TEX14: variants seen among roughly 807,000 people sequenced by gnomAD.
TEX14 encodes inactive serine/threonine-protein kinase TEX14.
In TEX14, 168 loss-of-function variants were observed where a neutral mutation model predicts 178.6. That is an observed-to-expected ratio of 0.94 (90% CI 0.83 to 1.07). TEX14 has a LOEUF of 1.07. Among genes scored for constraint, TEX14 ranks in the 50% least tolerant of loss-of-function variants. The pLI is 0.00. For missense variants in TEX14, 1,730 were observed against 1,753.6 expected (o/e 0.99, Z 0.24); for synonymous variants, 626 against 634.1 (o/e 0.99, Z 0.19).
intron 14 of TEX14, among the ~76,000 whole-genome samples, chr17:58,596,762 G>A (rs1458907869): frequency 2.0e-5 from 3 of 151,628 alleles, no homozygotes; most frequent in African/African-American, 4.8e-5. Context: ...CCAGCCGGGC[G>A]TGCTGAGACC....
At chr17:58,678,898 A>G (rs1040272271) in intron 1 of TEX14, among the ~76,000 whole-genome samples, 12 of 151,594 alleles carry the variant, frequency 7.9e-5, no homozygotes, top group African/African-American at 2.7e-4. Flanking sequence ...TCACACCTGT[A>G]ATCCCAGCAC....
intron 26 of TEX14, among the ~76,000 whole-genome samples, chr17:58,568,680 T>A (rs74994378): frequency 7.9e-4 from 121 of 152,360 alleles, no homozygotes; most frequent in Admixed American, 2.0e-3. Context: ...ATTTGGTTGG[T>A]AACTGCTCTG....
intron 2 of TEX14, among the ~76,000 whole-genome samples, chr17:58,636,997 C>T (rs1211904541): frequency 3.9e-5 from 6 of 152,074 alleles, no homozygotes; most frequent in East Asian, 1.9e-4. Context: ...GAGGCAGAAG[C>T]GGGTGAATCA....
intron 19 of TEX14, among the ~76,000 whole-genome samples, 181 bp from the exon 20 acceptor site, chr17:58,579,912 T>C (rs1324849278): frequency 6.6e-6 from 1 of 152,216 alleles, no homozygotes; most frequent in Non-Finnish European, 1.5e-5. Context: ...ATATGTCCTC[T>C]CCTCAGTAAG....
intron 3 of TEX14, among the ~76,000 whole-genome samples, chr17:58,625,341 G>A (rs1322080563): frequency 3.3e-5 from 5 of 151,942 alleles, no homozygotes; most frequent in Non-Finnish European, 7.4e-5. Context: ...CATCATGTTG[G>A]CCAGGCTGGT....
chr17:58,637,279 C>G (rs1470670011), intron 2 of TEX14, among the ~76,000 whole-genome samples: 1 of 152,150 alleles, frequency 6.6e-6, no homozygotes, highest in Non-Finnish European at 1.5e-5. Flanking sequence ...GTCTTCATGC[C>G]TGTTCCCTGA....
chr17:58,617,519 G>A lies in TEX14; in HGVS notation c.636+19C>T. On this transcript the variant is annotated intron_variant, in intron 6 of 31. Transcript: ENST00000349033. ...CCAGTTAGTCCTGCAAACACTGGCT[G>A]TCAGTGGCAACCTCTTACCTTCCCA... The A allele has an allele frequency of 6.2e-7, 1 of 1,600,334 alleles. No homozygotes were observed. Among genetic ancestry groups the A allele is most frequent in the South Asian group, 1.1e-5 (1 of 90,176 alleles).
rs1364989266 is a variant in TEX14, at chr17:58,651,869, T to C, written c.133A>G (p.Lys45Glu). 3.7e-6 allele frequency: 6 copies of C among 1,605,528 alleles called. No individual in the cohort carries two copies. Among genetic ancestry groups the C allele is most frequent in the African/African-American group, 1.3e-5 (1 of 74,460 alleles). The change falls in exon 2 of 32, where the codon AAA (lysine) becomes GAA (glutamate). Residue 45 changes from lysine (K) to glutamate (E), a missense_variant. Physicochemically the swap from Lys to Glu is moderately conservative, Grantham distance 56. Transcript: ENST00000349033. ...GCCATCTCAACATGGTGCTTACCTT[T>C]CTTAAGAATTTTCTTCACTTTCACA... The part of the protein sequence containing the change: ...NYVKVKKILK[K>E]GIYVDAVNSL...
intron 11 of TEX14, among the ~76,000 whole-genome samples, chr17:58,604,235 G>A (rs906216629): frequency 6.6e-6 from 1 of 151,766 alleles, no homozygotes; most frequent in Non-Finnish European, 1.5e-5. Context: ...CACTTCAGGA[G>A]GCCGAGGTGG....
intron 1 of TEX14, among the ~76,000 whole-genome samples, chr17:58,683,008 G>C (rs537030201): frequency 6.8e-6 from 1 of 147,958 alleles, no homozygotes. Context: ...TGTCGAGATC[G>C]CGCCATTGCA....
intron 4 of TEX14, 47 bp from the exon 5 acceptor site, chr17:58,621,833 A>G (rs1438339040): frequency 3.8e-6 from 6 of 1,560,726 alleles, no homozygotes; most frequent in Non-Finnish European, 5.2e-6. Flanking sequence ...CCAGTTCTCA[A>G]TGGAATGGAA....
At chr17:58,637,555 C>T (rs79874333) in intron 2 of TEX14, among the ~76,000 whole-genome samples, 1,750 of 152,222 alleles carry the variant, frequency 0.011, 14 homozygotes, top group Middle Eastern at 0.041. Context: ...CCATAAAAAC[C>T]CAAAAGGACT....
At chr17:58,570,749 C>T (rs537074110) in intron 24 of TEX14, among the ~76,000 whole-genome samples, 1 of 151,032 alleles carries the variant, frequency 6.6e-6, no homozygotes, top group South Asian at 2.1e-4. Flanking sequence ...CCTCAGCCTC[C>T]CAAGTAGCTG....
chr17:58,598,747 G>T, intron 14 of TEX14, 129 bp downstream of exon 14: 1 of 944,416 alleles, frequency 1.1e-6, no homozygotes, highest in Non-Finnish European at 1.6e-6. Context: ...CTCCCACTCA[G>T]GTTACCTGAT....
chr17:58,679,162 A>G lies in TEX14; in HGVS notation c.-2+12777T>C, dbSNP rs551015160. Among the ~76,000 whole-genome samples, 18 of 152,266 alleles carry G rather than the reference A, an allele frequency of 1.2e-4. No individual in the cohort carries two copies. In the South Asian group the frequency reaches 3.7e-3, roughly 32 times the overall value. On this transcript the variant is annotated intron_variant, in intron 1 of 31. Transcript: ENST00000349033. ...AGAGCGAAACGCCGTCTCCAAGAAAAGAAAAAAAACAGAAGGACTCTGGAG... is the reference window on the plus strand; with the variant it reads ...AGAGCGAAACGCCGTCTCCAAGAAAGGAAAAAAAACAGAAGGACTCTGGAG...
At chr17:58,589,947 C>T (rs1472162691) in intron 15 of TEX14, among the ~76,000 whole-genome samples, 3 of 152,022 alleles carry the variant, frequency 2.0e-5, no homozygotes, top group African/African-American at 4.8e-5. Context: ...TCAAGCGACC[C>T]TCACACATTG....
intron 14 of TEX14, among the ~76,000 whole-genome samples, chr17:58,596,655 G>A (rs1440602647): frequency 1.3e-5 from 2 of 151,820 alleles, no homozygotes. Flanking sequence ...AGGCCAAGGC[G>A]GGTGGATTGC....
At position 58,613,649 on chromosome 17, in the gene TEX14, C is replaced by T. The variant is rs1303435346; in HGVS notation, c.882-105G>A. The T allele has an allele frequency of 4.0e-5, 49 of 1,216,632 alleles. No individual in the cohort carries two copies. In the South Asian group the frequency reaches 5.2e-4, roughly 13 times the overall value. The allele number at this position is 1,216,632 out of a possible 1,614,324, so 75.4% of individuals were successfully genotyped here. On this transcript the variant is annotated intron_variant, in intron 8 of 31. Coordinates refer to ENST00000349033, the MANE Select transcript of TEX14 (RefSeq NM_031272.5). ...ATTCTAAACAAATACCATTTGTATA[C>T]GATGTTTTCTTTTCTTTTCTTTTTT... is the stretch of plus-strand genomic sequence containing the variant.
In TEX14 at chr17:58,630,423, A is replaced by G. The variant is rs202180872; in HGVS notation, c.251+17T>C. The G allele has an allele frequency of 6.5e-7, 1 of 1,538,762 alleles. No individual in the cohort carries two copies. ...GCACAACCCCTATTTTCTAGACATCAATATTATTGTACTTACTGATTTGGA... is the reference window on the plus strand; with the variant it reads ...GCACAACCCCTATTTTCTAGACATCGATATTATTGTACTTACTGATTTGGA... On this transcript the variant is annotated intron_variant, in intron 3 of 31. Transcript: ENST00000349033.
Sources: gnomAD v4.1 joint callset for allele counts (sites outside exome capture counted in the v4.1 genomes callset) on GRCh38, gnomAD v4.1.1 for gene constraint, MANE v1.5 for transcripts, NCBI Gene and HGNC (gene_info 2026-07-23, HGNC 2026-07-21) for gene names.